The following SAV1 variants were observed in gnomAD, a reference collection of about 807,000 sequenced individuals.
The protein encoded by SAV1 is protein salvador homolog 1.
SAV1 carries 23 observed loss-of-function variants against 47.3 expected under a neutral mutation model. That is an observed-to-expected ratio of 0.49 (90% CI 0.35 to 0.69). The LOEUF is 0.69. Among genes scored for constraint, SAV1 ranks in the 30% least tolerant of loss-of-function variants. SAV1 has a pLI of 0.01. For synonymous variants in SAV1, 155 were observed against 159.2 expected, an observed-to-expected ratio of 0.97 and a Z score of 0.20; for missense variants, 448 against 457.4, an observed-to-expected ratio of 0.98 and a Z score of 0.19.
At chr14:50,661,164 G>T (rs1026943581) in intron 2 of SAV1, among the ~76,000 whole-genome samples, 1 of 152,186 alleles carries the variant, frequency 6.6e-6, no homozygotes, top group African/African-American at 2.4e-5. Context: ...TCTGACTGGG[G>T]TAAGACACCT....
At chr14:50,661,468 T>A (rs2039859570) in intron 2 of SAV1, among the ~76,000 whole-genome samples, 1 of 152,244 alleles carries the variant, frequency 6.6e-6, no homozygotes, top group Non-Finnish European at 1.5e-5. Context: ...ATATGTCTAT[T>A]TGTTTTTGTT....
chr14:50,661,788 G>T (rs1210866280), intron 2 of SAV1, among the ~76,000 whole-genome samples: 1 of 152,068 alleles, frequency 6.6e-6, no homozygotes, highest in Non-Finnish European at 1.5e-5. Context: ...TGTTCCATTG[G>T]TCTATGTGTC....
At chr14:50,637,285 A>T (rs1450013697) in intron 4 of SAV1, among the ~76,000 whole-genome samples, 2 of 152,188 alleles carry the variant, frequency 1.3e-5, no homozygotes, top group South Asian at 2.1e-4. Flanking sequence ...AATTAGAGTG[A>T]TACTGTAAGA....
At chr14:50,643,354 A>G (rs2039695538) in intron 3 of SAV1, among the ~76,000 whole-genome samples, 1 of 152,192 alleles carries the variant, frequency 6.6e-6, no homozygotes, top group Admixed American at 6.5e-5. Context: ...AGGCCTCAGG[A>G]AACTTAAATC....
Position 50,668,280 on chromosome 14 carries a change from G to A in SAV1, c.-313C>T, listed in dbSNP as rs1212640055. On this transcript the variant is annotated 5_prime_UTR_variant, in exon 1 of 5. Transcript: ENST00000324679. ...GCCAGGGCCAGGGCCATGGTCCGCC[G>A]CGGGCCGCCGAATAACCGCTACCAC... is the stretch of plus-strand genomic sequence containing the variant. 1.7e-5 allele frequency: 3 copies of A among 176,584 alleles called. No individual in the cohort carries two copies. The highest frequency in any genetic ancestry group is 2.4e-5 in the Non-Finnish European group (2 of 84,688). The allele number at this position is 176,584 out of a possible 1,614,324, so 10.9% of individuals were successfully genotyped here. A position where few individuals can be genotyped will look rare whatever the true frequency, so the allele number is the denominator to read the frequency against.
At chr14:50,660,889 T>C (rs946468100) in intron 2 of SAV1, among the ~76,000 whole-genome samples, 3 of 152,238 alleles carry the variant, frequency 2.0e-5, no homozygotes, top group Non-Finnish European at 4.4e-5. Context: ...CCAGTTCCAT[T>C]CAAGCTGCTG....
intron 2 of SAV1, among the ~76,000 whole-genome samples, chr14:50,659,490 T>C (rs1420931964): frequency 2.6e-5 from 4 of 152,248 alleles, no homozygotes; most frequent in Admixed American, 6.5e-5. Flanking sequence ...TCACTAATAA[T>C]TGTCTTCCTG....
intron 2 of SAV1, among the ~76,000 whole-genome samples, chr14:50,658,327 G>C (rs1042771820): frequency 1.3e-5 from 2 of 152,086 alleles, no homozygotes; most frequent in Non-Finnish European, 2.9e-5. Context: ...AAATTTAAGC[G>C]CAAAACAAAG....
chr14:50,667,547 G>C (rs1233152537), intron 1 of SAV1: 1 of 488,712 alleles, frequency 2.0e-6, no homozygotes, highest in African/African-American at 2.0e-5. Context: ...TACTCCTATA[G>C]CATTAGGTGA....
chr14:50,643,927 C>T (rs768539117), intron 3 of SAV1, among the ~76,000 whole-genome samples: 1 of 152,154 alleles, frequency 6.6e-6, no homozygotes, highest in Non-Finnish European at 1.5e-5. Context: ...CTGTATTATG[C>T]CAGATGACAC....
intron 2 of SAV1, among the ~76,000 whole-genome samples, chr14:50,658,327 G>A (rs1042771820): frequency 6.6e-6 from 1 of 152,086 alleles, no homozygotes; most frequent in Non-Finnish European, 1.5e-5. Context: ...AAATTTAAGC[G>A]CAAAACAAAG....
intron 4 of SAV1, among the ~76,000 whole-genome samples, chr14:50,637,213 A>T (rs1456685238): frequency 1.3e-5 from 2 of 152,226 alleles, no homozygotes; most frequent in African/African-American, 4.8e-5. Flanking sequence ...TAATAGATTT[A>T]GATTTCTTTG....
chr14:50,640,906 G>C lies in SAV1; in HGVS notation c.807-13C>G. ...ATACCGAGGTACACTAAGAAGAAAG[G>C]AGTGACATTCTTTAGGATAAAGGTC... On this transcript the variant is annotated splice_polypyrimidine_tract_variant and intron_variant, in intron 3 of 4. Coordinates refer to ENST00000324679, the MANE Select transcript of SAV1 (RefSeq NM_021818.4). 5 of 1,589,166 alleles carry C rather than the reference G, an allele frequency of 3.1e-6. No homozygotes were observed. Among genetic ancestry groups the C allele is most frequent in the Non-Finnish European group, 4.3e-6 (5 of 1,166,868 alleles).
intron 2 of SAV1, 95 bp downstream of exon 2, chr14:50,665,084 T>C (rs1054617539): frequency 3.4e-6 from 5 of 1,459,966 alleles, no homozygotes; most frequent in Middle Eastern, 2.6e-4. Flanking sequence ...GCTAGTAGTA[T>C]TTGTTCGTGT....
At chr14:50,644,440 G>A (rs1338394474) in intron 3 of SAV1, among the ~76,000 whole-genome samples, 1 of 152,176 alleles carries the variant, frequency 6.6e-6, no homozygotes, top group Non-Finnish European at 1.5e-5. Flanking sequence ...TAAGAAGGCA[G>A]AAGCTTTAAT....
chr14:50,645,627 G>T (rs989995594), intron 2 of SAV1, among the ~76,000 whole-genome samples: 5 of 151,744 alleles, frequency 3.3e-5, no homozygotes, highest in Non-Finnish European at 5.9e-5. Context: ...TTGGGGTAAG[G>T]GATAATCAAC....
intron 3 of SAV1, among the ~76,000 whole-genome samples, chr14:50,642,044 G>A (rs1209341808): frequency 6.6e-6 from 1 of 152,102 alleles, no homozygotes; most frequent in African/African-American, 2.4e-5. Flanking sequence ...AAGAACAAGA[G>A]CATGTAGTCT....
At chr14:50,664,088 C>G (rs1432297481) in intron 2 of SAV1, among the ~76,000 whole-genome samples, 5 of 152,200 alleles carry the variant, frequency 3.3e-5, no homozygotes, top group African/African-American at 1.2e-4. Flanking sequence ...ATACTCATCT[C>G]TCTTCTGATT....
At chr14:50,665,684 T>C in intron 1 of SAV1, 65 bp from the exon 2 acceptor site, 3 of 1,370,670 alleles carry the variant, frequency 2.2e-6, no homozygotes, top group South Asian at 3.0e-5. Flanking sequence ...TCGAAATTTG[T>C]TCATTTATGT....
Sources: allele counts gnomAD v4.1 joint callset (sites outside exome capture counted in the v4.1 genomes callset), GRCh38; gene constraint gnomAD v4.1.1; transcripts MANE v1.5; gene names NCBI Gene and HGNC (gene_info 2026-07-23, HGNC 2026-07-21).